The following MYO5A variants were observed in gnomAD, a reference collection of about 807,000 sequenced individuals.
MYO5A encodes myosin VA.
Under a neutral mutation model 249.7 loss-of-function variants are expected in MYO5A, and 98 were observed. The observed-to-expected ratio is 0.39, with a 90% CI of 0.33 to 0.46. The LOEUF (loss-of-function observed/expected upper bound fraction) is 0.46. MYO5A is among the 20% of genes least tolerant of loss of function. The pLI is 0.98. For missense variants in MYO5A, 1,696 were observed against 2,308.8 expected, an observed-to-expected ratio of 0.73 and a Z score of 5.44; for synonymous variants, 778 against 810.6, an observed-to-expected ratio of 0.96 and a Z score of 0.68.
At chr15:52,372,771 A>G (rs1447179666) in intron 20 of MYO5A, among the ~76,000 whole-genome samples, 5 of 152,284 alleles carry the variant, frequency 3.3e-5, no homozygotes, top group African/African-American at 1.2e-4. Flanking sequence ...CCTCTATAAA[A>G]TTAACAGAAC....
At chr15:52,511,080 G>T (rs558988573) in intron 1 of MYO5A, among the ~76,000 whole-genome samples, 3 of 152,298 alleles carry the variant, frequency 2.0e-5, no homozygotes, top group East Asian at 1.9e-4. Context: ...GGCAACTTCT[G>T]CATGGTCCAC....
At chr15:52,381,503 C>T (rs2041736435) in intron 16 of MYO5A, among the ~76,000 whole-genome samples, 1 of 152,114 alleles carries the variant, frequency 6.6e-6, no homozygotes, top group African/African-American at 2.4e-5. Flanking sequence ...CTTCTAGAGT[C>T]ACATTATCCC....
intron 18 of MYO5A, among the ~76,000 whole-genome samples, chr15:52,378,444 C>T (rs2041542933): frequency 7.1e-6 from 1 of 141,512 alleles, no homozygotes; most frequent in Non-Finnish European, 1.5e-5. Context: ...TGGCTTGAAC[C>T]CACGAGGCGG....
At chr15:52,446,091 T>G (rs1311835848) in intron 1 of MYO5A, among the ~76,000 whole-genome samples, 4 of 152,238 alleles carry the variant, frequency 2.6e-5, no homozygotes, top group Non-Finnish European at 5.9e-5. Flanking sequence ...AGACAAGTGC[T>G]AACAGCCAAG....
At chr15:52,348,149 A>C (rs2039739303) in intron 29 of MYO5A, among the ~76,000 whole-genome samples, 2 of 152,316 alleles carry the variant, frequency 1.3e-5, no homozygotes, top group South Asian at 2.1e-4. Context: ...AAAAAGTGGC[A>C]CTTGGGGAAT....
chr15:52,466,847 A>T (rs1451295517), intron 1 of MYO5A, among the ~76,000 whole-genome samples: 1 of 152,178 alleles, frequency 6.6e-6, no homozygotes, highest in Non-Finnish European at 1.5e-5. Flanking sequence ...GCAACAATTA[A>T]CACAAGAGCA....
chr15:52,389,118 G>T, intron 13 of MYO5A, 120 bp downstream of exon 13: 1 of 1,000,632 alleles, frequency 1.0e-6, no homozygotes, highest in Non-Finnish European at 1.5e-6. Flanking sequence ...GAAGACTGCT[G>T]TCCCTTGAGC....
At chr15:52,326,681 A>C (rs1267817922) in intron 36 of MYO5A, among the ~76,000 whole-genome samples, 1 of 152,230 alleles carries the variant, frequency 6.6e-6, no homozygotes, top group Non-Finnish European at 1.5e-5. Flanking sequence ...GTAACTGTAC[A>C]CTTAAAAATG....
Position 52,528,816 on chromosome 15 carries a change from C to T in MYO5A, c.-10G>A. 6.7e-7 allele frequency: 1 copy of T among 1,486,564 alleles called. No homozygotes were observed. Among genetic ancestry groups the T allele is most frequent in the Non-Finnish European group, 8.9e-7 (1 of 1,124,380 alleles). 92.1% of individuals were successfully genotyped at this position (1,486,564 alleles called of 1,614,324 possible). On this transcript the variant is annotated 5_prime_UTR_variant, in exon 1 of 42. Transcript: ENST00000399233. Reference sequence around the variant, plus strand: ...GCTCCGACGCAGCCATGGCGGGCCCCGCGCGCCTACGCCCCCCGCCTGTGC... The same window carrying T: ...GCTCCGACGCAGCCATGGCGGGCCCTGCGCGCCTACGCCCCCCGCCTGTGC...
chr15:52,351,943 T>C (rs1308904713), intron 27 of MYO5A, among the ~76,000 whole-genome samples: 1 of 152,232 alleles, frequency 6.6e-6, no homozygotes, highest in East Asian at 1.9e-4. Flanking sequence ...TAAAGCAGAA[T>C]GGAAAGACTA....
intron 1 of MYO5A, among the ~76,000 whole-genome samples, chr15:52,433,802 G>A (rs567918233): frequency 6.6e-6 from 1 of 152,006 alleles, no homozygotes; most frequent in Admixed American, 6.6e-5. Context: ...TAAAAAGTGT[G>A]CTCTGAAAAA....
chr15:52,458,477 G>A (rs1418310103), intron 1 of MYO5A, among the ~76,000 whole-genome samples: 2 of 151,984 alleles, frequency 1.3e-5, no homozygotes, highest in Non-Finnish European at 2.9e-5. Flanking sequence ...AATATTAGCT[G>A]GGCGTGGTGG....
intron 1 of MYO5A, among the ~76,000 whole-genome samples, chr15:52,485,283 G>C (rs1279940143): frequency 5.2e-5 from 6 of 116,402 alleles, no homozygotes; most frequent in Non-Finnish European, 9.0e-5. Context: ...AAAAAAACAA[G>C]ACTGTCAGGT....
intron 1 of MYO5A, among the ~76,000 whole-genome samples, chr15:52,485,351 T>A (rs901564142): frequency 2.6e-5 from 4 of 151,806 alleles, no homozygotes; most frequent in African/African-American, 7.3e-5. Flanking sequence ...AACAAAGTAG[T>A]ATATATTCTC....
Position 52,308,537 on chromosome 15 carries a change from C to T in MYO5A, c.*5159G>A, listed in dbSNP as rs2037685151. 1 of 152,176 alleles carries T rather than the reference C, an allele frequency of 6.6e-6. No homozygotes were observed. The highest frequency in any genetic ancestry group is 2.4e-5 in the African/African-American group (1 of 41,426). The allele number at this position is 152,176 out of a possible 1,614,324, so 9.4% of individuals were successfully genotyped here. On this transcript the variant is annotated 3_prime_UTR_variant, in exon 42 of 42. Coordinates refer to ENST00000399233, the MANE Select transcript of MYO5A (RefSeq NM_001382347.1). ...TCTAACTTATCTCCATAATTTCTTT[C>T]ATATATTCATTTGCTTACTTGTGAC...
intron 11 of MYO5A, among the ~76,000 whole-genome samples, chr15:52,392,602 T>C (rs914390584): frequency 2.0e-5 from 3 of 152,376 alleles, no homozygotes; most frequent in Non-Finnish European, 4.4e-5. Flanking sequence ...TCATGGAGTC[T>C]ACGACTCACT....
At chr15:52,501,908 CA>C (rs1463831638) in intron 1 of MYO5A, among the ~76,000 whole-genome samples, 5 of 149,776 alleles carry the variant, frequency 3.3e-5, no homozygotes, top group Non-Finnish European at 7.4e-5. Context: ...CACACACACA[CA>C]CTGTATTTTA....
rs1487377589 is a variant in MYO5A at position 52,384,204 on chromosome 15, G to T, written c.1871C>A (p.Pro624Gln). ...CTTGTGCTCTTTGGCCATTTGGCCT[G>T]GTCTGCCTTTGGTGGGCTTTGCAGG... ...RTPAKPTKGR[P>Q]GQMAKEHKKT... Residue 624 changes from proline to glutamine, a missense_variant, in exon 15 of 42, where the codon CCA becomes CAA. This residue lies in a region of MYO5A where 277 missense variants were observed against 422.4 expected (regional missense o/e 0.66). Coordinates refer to ENST00000399233, the MANE Select transcript of MYO5A (RefSeq NM_001382347.1). The T allele has an allele frequency of 1.9e-6, 3 of 1,614,076 alleles. No homozygotes were observed. The African/African-American group carries it at 4.0e-5, about 22-fold the overall frequency.
chr15:52,329,905 A>ATTTTTTTTTTTTTTTTTTTTTT (rs58058940), intron 35 of MYO5A, among the ~76,000 whole-genome samples: 14 of 119,724 alleles, frequency 1.2e-4, no homozygotes, highest in South Asian at 2.9e-4. Context: ...CGCCTGGGTA[A>ATTTTTTTTTTTTTTTTTTTTTT]TTTTTTTTTT....
Sources: gnomAD v4.1 joint callset for allele counts (sites outside exome capture counted in the v4.1 genomes callset) on GRCh38, gnomAD v4.1.1 for gene constraint, gnomAD v4.1.1 regional missense constraint, MANE v1.5 for transcripts, NCBI Gene and HGNC (gene_info 2026-07-23, HGNC 2026-07-21) for gene names.